CERS3: variants seen among roughly 807,000 people sequenced by gnomAD.
CERS3 encodes ceramide synthase 3.
A neutral mutation model predicts 50.3 loss-of-function variants in CERS3; 33 were observed. The ratio of observed to expected loss-of-function variants is 0.66; its 90% CI spans 0.50 to 0.88. The LOEUF (loss-of-function observed/expected upper bound fraction) is 0.88. Among genes scored for constraint, CERS3 ranks in the 40% least tolerant of loss-of-function variants. The pLI is 0.00. For missense variants in CERS3, 470 were observed against 460.3 expected, an observed-to-expected ratio of 1.02 and a Z score of -0.19; for synonymous variants, 176 against 155.2, an observed-to-expected ratio of 1.13 and a Z score of -0.99.
At chr15:100,405,316 A>C (rs1385691338) in intron 11 of CERS3, among the ~76,000 whole-genome samples, 1 of 152,134 alleles carries the variant, frequency 6.6e-6, no homozygotes, top group Non-Finnish European at 1.5e-5. Context: ...CAAAGAGGAC[A>C]CAGGATGACA....
chr15:100,462,268 T>C (rs1030547125), intron 10 of CERS3, among the ~76,000 whole-genome samples: 4 of 152,240 alleles, frequency 2.6e-5, no homozygotes, highest in Non-Finnish European at 5.9e-5. Context: ...GTTTTCAGTT[T>C]TGTTTCCAAT....
chr15:100,424,365 T>C (rs940757127), intron 11 of CERS3, among the ~76,000 whole-genome samples: 2 of 152,162 alleles, frequency 1.3e-5, no homozygotes, highest in African/African-American at 4.8e-5. Flanking sequence ...GGGAAGAGGT[T>C]GGAACAGTTT....
chr15:100,462,409 G>T (rs1301468639), intron 10 of CERS3, among the ~76,000 whole-genome samples: 2 of 152,162 alleles, frequency 1.3e-5, no homozygotes, highest in East Asian at 3.9e-4. Context: ...AAAATTGCAA[G>T]GTAAGGGTCT....
intron 2 of CERS3, among the ~76,000 whole-genome samples, chr15:100,505,786 T>C (rs2036158535): frequency 2.0e-5 from 3 of 152,188 alleles, no homozygotes; most frequent in Admixed American, 1.3e-4. Flanking sequence ...GGTGGGCGGA[T>C]CGCCTGAGCC....
chr15:100,430,359 C>T (rs1025940750), intron 11 of CERS3, among the ~76,000 whole-genome samples: 15 of 151,848 alleles, frequency 9.9e-5, no homozygotes, highest in Admixed American at 9.8e-4. Context: ...AAACAAAAAA[C>T]TTGACAATGA....
chr15:100,429,355 G>A (rs921999077), intron 11 of CERS3, among the ~76,000 whole-genome samples: 5 of 152,186 alleles, frequency 3.3e-5, no homozygotes, highest in African/African-American at 7.2e-5. Context: ...GTAGCACTGC[G>A]ATGTGGAAGG....
chr15:100,509,713 A>G (rs2036285367), intron 2 of CERS3, among the ~76,000 whole-genome samples: 1 of 152,182 alleles, frequency 6.6e-6, no homozygotes, highest in Non-Finnish European at 1.5e-5. Flanking sequence ...GGTGAAGGGA[A>G]AGTCAGCTCT....
At chr15:100,459,636 A>G (rs2034487367) in intron 10 of CERS3, among the ~76,000 whole-genome samples, 1 of 152,168 alleles carries the variant, frequency 6.6e-6, no homozygotes, top group African/African-American at 2.4e-5. Flanking sequence ...TCCACTTAGA[A>G]TAGCTAAAAT....
chr15:100,459,087 A>G (rs538032824), intron 10 of CERS3, among the ~76,000 whole-genome samples: 3 of 152,362 alleles, frequency 2.0e-5, no homozygotes, highest in Admixed American at 6.5e-5. Flanking sequence ...CTGTGTTCCA[A>G]TAGAACTTTA....
rs142223409 is a variant in CERS3 at position 100,409,807 on chromosome 15, A to G, written c.1000-6942T>C. 5.2e-3 allele frequency among the ~76,000 whole-genome samples: 799 copies of G among 152,254 alleles called. 7 individuals are homozygous for G. The highest frequency in any genetic ancestry group is 0.018 in the African/African-American group (765 of 41,520). On this transcript the variant is annotated intron_variant, in intron 11 of 11. Transcript: ENST00000679737. ...GCAAATTGTTGGCCCTGACCCCTTT[A>G]CAAATCATTAAAGGGTCAAGAAAAC...
At chr15:100,513,698 C>A (rs1567675422) in intron 2 of CERS3, among the ~76,000 whole-genome samples, 1 of 151,988 alleles carries the variant, frequency 6.6e-6, no homozygotes. Context: ...CTACCACACC[C>A]AGCTAGTTTT....
At chr15:100,451,745 A>C (rs1302138935) in intron 11 of CERS3, among the ~76,000 whole-genome samples, 1 of 152,014 alleles carries the variant, frequency 6.6e-6, no homozygotes, top group Non-Finnish European at 1.5e-5. Flanking sequence ...AAACCAAAAC[A>C]AAACAAAACA....
intron 11 of CERS3, among the ~76,000 whole-genome samples, chr15:100,406,796 C>T (rs2654614): frequency 0.37 from 55,647 of 151,978 alleles, 10,828 homozygotes; most frequent in East Asian, 0.55. Flanking sequence ...TCTCTTTCCA[C>T]GCTGCTGATA....
chr15:100,424,961 A>C (rs936679769), intron 11 of CERS3, among the ~76,000 whole-genome samples: 1 of 152,220 alleles, frequency 6.6e-6, no homozygotes, highest in African/African-American at 2.4e-5. Context: ...AAAGGGCCCC[A>C]GATATGTCTC....
chr15:100,539,722 C>G (rs2037154704), intron 1 of CERS3, among the ~76,000 whole-genome samples: 1 of 152,180 alleles, frequency 6.6e-6, no homozygotes, highest in Non-Finnish European at 1.5e-5. Flanking sequence ...GGTGGGGACA[C>G]AAAGATTAAC....
intron 7 of CERS3, among the ~76,000 whole-genome samples, chr15:100,477,336 G>T (rs1020264969): frequency 6.6e-6 from 1 of 152,084 alleles, no homozygotes; most frequent in Non-Finnish European, 1.5e-5. Context: ...AACGTATAAC[G>T]AATTTTTTTG....
intron 9 of CERS3, among the ~76,000 whole-genome samples, chr15:100,471,275 G>T (rs1342650444): frequency 6.6e-6 from 1 of 151,722 alleles, no homozygotes. Context: ...ACGTTTTCAG[G>T]TAATAATGAG....
At chr15:100,430,210 G>A (rs962187963) in intron 11 of CERS3, among the ~76,000 whole-genome samples, 1 of 151,920 alleles carries the variant, frequency 6.6e-6, no homozygotes, top group African/African-American at 2.4e-5. Context: ...TACTCGGGAG[G>A]CTGAGGCAGG....
chr15:100,416,814 A>G (rs556817326), intron 11 of CERS3, among the ~76,000 whole-genome samples: 1 of 152,320 alleles, frequency 6.6e-6, no homozygotes, highest in African/African-American at 2.4e-5. Context: ...GAAGACACAG[A>G]GCCAGGATGA....
Sources: gnomAD v4.1 joint callset for allele counts (sites outside exome capture counted in the v4.1 genomes callset) on GRCh38, gnomAD v4.1.1 for gene constraint, MANE v1.5 for transcripts, NCBI Gene and HGNC (gene_info 2026-07-23, HGNC 2026-07-21) for gene names.